Variants in RALGAPA2 observed in about 807,000 individuals in gnomAD.
The protein encoded by RALGAPA2 is Ral GTPase activating protein catalytic subunit alpha 2, also known as ral GTPase-activating protein subunit alpha-2.
In RALGAPA2, 139 loss-of-function variants were observed where a neutral mutation model predicts 230.4. That is an observed-to-expected ratio of 0.60 (90% CI 0.53 to 0.69). The LOEUF is 0.69. Among genes scored for constraint, RALGAPA2 ranks in the 30% least tolerant of loss-of-function variants. RALGAPA2 has a pLI of 0.00. For synonymous variants in RALGAPA2, 847 were observed against 837.8 expected (o/e 1.01, Z -0.19); for missense variants, 2,163 against 2,276.0 (o/e 0.95, Z 1.01).
chr20:20,605,330 G>C lies in RALGAPA2; in HGVS notation c.1883C>G (p.Ser628Cys). Reference protein sequence around the residue: ...ELWDDFLGVLSSLTEWEELIN... With the variant: ...ELWDDFLGVLCSLTEWEELIN... ...AAGTTCCTCCCATTCCGTGAGGGAG[G>C]ACAGCACACCAAGAAAGTCATCCCA... is the stretch of plus-strand genomic sequence containing the variant. Residue 628 changes from serine (S) to cysteine (C), a missense_variant, in exon 15 of 40, where the codon TCC becomes TGC. Ser to Cys is a moderately radical substitution (Grantham distance 112). Coordinates refer to ENST00000202677, the MANE Select transcript of RALGAPA2 (RefSeq NM_020343.4). 6.2e-7 allele frequency: 1 copy of C among 1,613,764 alleles called. No homozygotes were observed. Among genetic ancestry groups the C allele is most frequent in the African/African-American group, 1.3e-5 (1 of 75,000 alleles).
intron 4 of RALGAPA2, among the ~76,000 whole-genome samples, chr20:20,646,628 T>G (rs2067224649): frequency 6.6e-6 from 1 of 152,184 alleles, no homozygotes; most frequent in Admixed American, 6.5e-5. Context: ...ATGTAAGTCT[T>G]ACTACTTTTG....
At chr20:20,597,797 C>G (rs1290178741) in intron 16 of RALGAPA2, among the ~76,000 whole-genome samples, 1 of 152,014 alleles carries the variant, frequency 6.6e-6, no homozygotes, top group Non-Finnish European at 1.5e-5. Context: ...CGAGATCATG[C>G]CACTGCACTC....
intron 26 of RALGAPA2, among the ~76,000 whole-genome samples, chr20:20,534,028 A>G (rs1287607403): frequency 6.6e-6 from 1 of 152,228 alleles, no homozygotes; most frequent in Non-Finnish European, 1.5e-5. Context: ...ACAAAAGCCT[A>G]GTCTTTGAAA....
chr20:20,512,186 TCAAAAAA>T (rs1276399191), intron 32 of RALGAPA2, among the ~76,000 whole-genome samples: 2 of 150,032 alleles, frequency 1.3e-5, no homozygotes, highest in Non-Finnish European at 3.0e-5. Flanking sequence ...AGACTCTGTC[TCAAAAAA>T]CAAAAAACAA....
chr20:20,425,172 T>C (rs2060355944), intron 37 of RALGAPA2, among the ~76,000 whole-genome samples: 1 of 152,126 alleles, frequency 6.6e-6, no homozygotes. Context: ...TAAGAAAACA[T>C]CTATAGCAGA....
intron 3 of RALGAPA2, among the ~76,000 whole-genome samples, chr20:20,669,715 G>A (rs2068071806): frequency 6.6e-6 from 1 of 152,132 alleles, no homozygotes; most frequent in African/African-American, 2.4e-5. Flanking sequence ...ATTTTGCCTT[G>A]GTGCTTCCCT....
intron 18 of RALGAPA2, among the ~76,000 whole-genome samples, chr20:20,588,257 T>C (rs1016866556): frequency 3.3e-5 from 5 of 152,246 alleles, no homozygotes; most frequent in African/African-American, 1.2e-4. Context: ...AAATAAATTG[T>C]GGTCTACTTA....
At chr20:20,434,042 G>C (rs1216384699) in intron 37 of RALGAPA2, among the ~76,000 whole-genome samples, 1 of 152,198 alleles carries the variant, frequency 6.6e-6, no homozygotes, top group Non-Finnish European at 1.5e-5. Flanking sequence ...AGAAGGGGTG[G>C]TGATGTACTG....
At chr20:20,603,456 A>G (rs1603027665) in intron 15 of RALGAPA2, among the ~76,000 whole-genome samples, 1 of 152,250 alleles carries the variant, frequency 6.6e-6, no homozygotes. Context: ...TCTCTCCTGT[A>G]ATGACATTAG....
intron 1 of RALGAPA2, among the ~76,000 whole-genome samples, chr20:20,687,735 TG>T (rs1339406058): frequency 1.3e-5 from 2 of 152,076 alleles, no homozygotes; most frequent in African/African-American, 2.4e-5. Flanking sequence ...ATAGAAATGG[TG>T]GTGCAGAAGA....
Position 20,571,574 on chromosome 20 carries a change from G to C in RALGAPA2, c.3040C>G (p.Gln1014Glu). The change falls in exon 23 of 40, where the codon CAA becomes GAA. Residue 1014 changes from glutamine (Q) to glutamate (E), a missense_variant. By Grantham distance (29) the Gln-to-Glu change is conservative. Coordinates refer to ENST00000202677, the MANE Select transcript of RALGAPA2 (RefSeq NM_020343.4). ...LPNEYKEGKL[Q>E]AYRLICAMMT... ...ATGGCACAGATCAGCCTGTAGGCTTGTAGTTTGCCTTCCTTATATTCATTT... is the reference window on the plus strand; with the variant it reads ...ATGGCACAGATCAGCCTGTAGGCTTCTAGTTTGCCTTCCTTATATTCATTT... 6.2e-7 allele frequency: 1 copy of C among 1,611,882 alleles called. No individual in the cohort carries two copies. Among genetic ancestry groups the C allele is most frequent in the Non-Finnish European group, 8.5e-7 (1 of 1,179,080 alleles).
intron 37 of RALGAPA2, among the ~76,000 whole-genome samples, chr20:20,439,997 C>T (rs990566204): frequency 6.6e-6 from 1 of 152,190 alleles, no homozygotes; most frequent in African/African-American, 2.4e-5. Context: ...AACCATTTCA[C>T]ATTCAAAACC....
intron 19 of RALGAPA2, among the ~76,000 whole-genome samples, chr20:20,583,656 C>G (rs1358335936): frequency 6.6e-6 from 1 of 152,134 alleles, no homozygotes; most frequent in Non-Finnish European, 1.5e-5. Flanking sequence ...CCAAGCCTGA[C>G]AGGTAGACGT....
chr20:20,505,483 G>C lies in RALGAPA2; in HGVS notation c.4980C>G (p.Asp1660Glu). 6.2e-7 allele frequency: 1 copy of C among 1,605,300 alleles called. No homozygotes were observed. Among genetic ancestry groups the C allele is most frequent in the South Asian group, 1.1e-5 (1 of 89,474 alleles). Reference sequence around the variant, plus strand: ...TTTCATTAGAGAGGATTGAACACTTGTCTTCTTGACCTTCAGCAATGTAAA... The same window carrying C: ...TTTCATTAGAGAGGATTGAACACTTCTCTTCTTGACCTTCAGCAATGTAAA... ...AVFYIAEGQEDKCSILSNERG... is the reference protein window; with the variant it reads ...AVFYIAEGQEEKCSILSNERG... The change falls in exon 34 of 40, where the codon GAC becomes GAG. Residue 1660 changes from aspartate (D) to glutamate (E), a missense_variant. Transcript: ENST00000202677.
chr20:20,594,806 G>C (rs1013889565), intron 16 of RALGAPA2, among the ~76,000 whole-genome samples: 1 of 145,756 alleles, frequency 6.9e-6, no homozygotes, highest in Non-Finnish European at 1.5e-5. Context: ...TTGACTCACT[G>C]CAAGCTCCAC....
intron 20 of RALGAPA2, among the ~76,000 whole-genome samples, chr20:20,579,918 G>A (rs542225671): frequency 4.6e-5 from 7 of 152,080 alleles, no homozygotes; most frequent in Admixed American, 2.0e-4. Flanking sequence ...TGTTCCATCC[G>A]TCTATTTGTC....
intron 37 of RALGAPA2, among the ~76,000 whole-genome samples, chr20:20,427,854 T>C (rs967011013): frequency 2.0e-5 from 3 of 152,168 alleles, no homozygotes; most frequent in South Asian, 4.1e-4. Flanking sequence ...GCAGAGCAGA[T>C]ACTTGGTCCT....
chr20:20,581,286 T>C (rs1196968615), intron 20 of RALGAPA2, among the ~76,000 whole-genome samples: 1 of 152,134 alleles, frequency 6.6e-6, no homozygotes, highest in Non-Finnish European at 1.5e-5. Context: ...TCCCTTTCAA[T>C]AAAAATAATT....
chr20:20,498,707 C>T lies in RALGAPA2; in HGVS notation c.5209-3432G>A, dbSNP rs191299989. ...TTAACCAAGAAACTTCCTGCCAGAA[C>T]AGCGCTGCCTGGAGACTGATAATGT... is the stretch of plus-strand genomic sequence containing the variant. On this transcript the variant is annotated intron_variant, in intron 35 of 39. Transcript: ENST00000202677. 2.2e-4 allele frequency among the ~76,000 whole-genome samples: 33 copies of T among 152,336 alleles called. No individual in the cohort carries two copies. In the East Asian group the frequency reaches 6.0e-3, roughly 28 times the overall value.
Sources: gnomAD v4.1 joint callset for allele counts (sites outside exome capture counted in the v4.1 genomes callset) on GRCh38, gnomAD v4.1.1 for gene constraint, MANE v1.5 for transcripts, NCBI Gene and HGNC (gene_info 2026-07-23, HGNC 2026-07-21) for gene names.